Variants in TYW1 observed in about 807,000 individuals in gnomAD.
TYW1 encodes the protein S-adenosyl-L-methionine-dependent tRNA 4-demethylwyosine synthase TYW1.
Under a neutral mutation model 96.2 loss-of-function variants are expected in TYW1, and 46 were observed. The ratio of observed to expected loss-of-function variants is 0.48; its 90% confidence interval spans 0.38 to 0.61. The LOEUF is 0.61. TYW1 is among the 20% of genes least tolerant of loss of function. TYW1 has a pLI of 0.00. For missense variants in TYW1, 684 were observed against 909.6 expected, an observed-to-expected ratio of 0.75 and a Z score of 3.19; for synonymous variants, 274 against 323.0, an observed-to-expected ratio of 0.85 and a Z score of 1.63.
intron 11 of TYW1, chr7:67,089,322 A>G: frequency 2.3e-6 from 3 of 1,316,766 alleles, no homozygotes; most frequent in Non-Finnish European, 3.2e-6. Flanking sequence ...GCCTTTTGGG[A>G]GGGCCCTTCT....
intron 8 of TYW1, among the ~76,000 whole-genome samples, chr7:67,052,368 CA>C (rs1225315852): frequency 6.6e-6 from 1 of 152,136 alleles, no homozygotes; most frequent in Non-Finnish European, 1.5e-5. Flanking sequence ...TCTCACTTTT[CA>C]TTTTGGTTAG....
intron 13 of TYW1, among the ~76,000 whole-genome samples, chr7:67,163,668 A>ATTTT (rs3980764): frequency 8.2e-4 from 115 of 140,952 alleles, no homozygotes; most frequent in South Asian, 2.8e-3. Context: ...AAGCAGGAGA[A>ATTTT]TTTTTTTTTT....
chr7:67,056,029 GTT>G, intron 9 of TYW1, 142 bp downstream of exon 9: 1 of 663,904 alleles, frequency 1.5e-6, no homozygotes, highest in Non-Finnish European at 2.4e-6. Context: ...TTTAAAATGA[GTT>G]CAGCAAATTT....
chr7:67,083,295 A>G lies in TYW1; in HGVS notation c.1275-135A>G, dbSNP rs1796440690. ...GATTTAAAATAAGTTGGAAAATACCACTATACATGGTTGAACTCTTAGGAG... is the reference window on the plus strand; with the variant it reads ...GATTTAAAATAAGTTGGAAAATACCGCTATACATGGTTGAACTCTTAGGAG... On this transcript the variant is annotated intron_variant, in intron 10 of 15. Transcript: ENST00000359626. The G allele has an allele frequency of 8.1e-6, 6 of 738,904 alleles. No individual in the cohort carries two copies. The East Asian group carries it at 1.0e-4, about 13-fold the overall frequency. The allele number at this position is 738,904 out of a possible 1,614,324, so 45.8% of individuals were successfully genotyped here.
intron 7 of TYW1, among the ~76,000 whole-genome samples, chr7:67,042,726 G>A (rs1159319407): frequency 6.6e-6 from 1 of 152,186 alleles, no homozygotes; most frequent in African/African-American, 2.4e-5. Context: ...GCCGGGTGCA[G>A]TGGCTTATGC....
chr7:67,053,090 T>A (rs1370387136), intron 8 of TYW1, among the ~76,000 whole-genome samples: 2 of 151,750 alleles, frequency 1.3e-5, no homozygotes, highest in Non-Finnish European at 1.5e-5. Context: ...GCTTTTTTTT[T>A]TTTTTTTTTT....
chr7:67,043,610 G>T (rs56273605), intron 7 of TYW1, among the ~76,000 whole-genome samples: 1 of 152,070 alleles, frequency 6.6e-6, no homozygotes, highest in Non-Finnish European at 1.5e-5. Context: ...GCTAGTTTCA[G>T]AATTATTTTT....
intron 3 of TYW1, 53 bp from the exon 4 acceptor site, chr7:67,009,530 G>T: frequency 1.3e-6 from 2 of 1,518,426 alleles, no homozygotes; most frequent in Non-Finnish European, 1.8e-6. Context: ...GGTAATGAGG[G>T]TTATATTTGG....
At chr7:67,058,226 G>T (rs561049530) in intron 9 of TYW1, among the ~76,000 whole-genome samples, 1 of 152,226 alleles carries the variant, frequency 6.6e-6, no homozygotes. Flanking sequence ...AGGCCACTGC[G>T]CCTGGCCTAC....
chr7:67,068,979 A>C (rs1278383860), intron 10 of TYW1, among the ~76,000 whole-genome samples: 1 of 152,156 alleles, frequency 6.6e-6, no homozygotes, highest in Non-Finnish European at 1.5e-5. Flanking sequence ...TCAGATTCTC[A>C]TTATTTCTTC....
intron 15 of TYW1, among the ~76,000 whole-genome samples, chr7:67,222,850 TCTGTTCG>T (rs1801435552): frequency 6.7e-6 from 1 of 148,642 alleles, no homozygotes; most frequent in South Asian, 2.1e-4. Flanking sequence ...TCCCTTAATC[TCTGTTCG>T]CTTTTTTTCT....
chr7:67,089,185 G>A (rs1211213849), intron 11 of TYW1: 3 of 661,358 alleles, frequency 4.5e-6, no homozygotes, highest in South Asian at 3.5e-5. Flanking sequence ...CCCCTCCCTC[G>A]CCACCCCTTT....
intron 13 of TYW1, among the ~76,000 whole-genome samples, chr7:67,161,808 C>T (rs1260464767): frequency 6.6e-6 from 1 of 152,012 alleles, no homozygotes; most frequent in African/African-American, 2.4e-5. Context: ...CCTATCATTC[C>T]AGATTCACGT....
chr7:67,161,324 G>T (rs1253108622), intron 13 of TYW1, among the ~76,000 whole-genome samples: 2 of 152,174 alleles, frequency 1.3e-5, no homozygotes, highest in African/African-American at 4.8e-5. Context: ...ATTTGGAAAA[G>T]TTGCCATCTT....
chr7:67,102,845 T>G (rs1402445851), intron 12 of TYW1, among the ~76,000 whole-genome samples: 4 of 151,392 alleles, frequency 2.6e-5, no homozygotes, highest in African/African-American at 7.4e-5. Context: ...TAGAGACGGG[T>G]TTCACCGTGT....
Position 67,180,420 on chromosome 7 carries a change from A to G in TYW1, c.1699-2706A>G, listed in dbSNP as rs1013464184. On this transcript the variant is annotated intron_variant, in intron 13 of 15. Coordinates refer to ENST00000359626, the MANE Select transcript of TYW1 (RefSeq NM_018264.4). ...TATATATATATTTATATATATATAT[A>G]TATAATTTTTTTTTTGGTAACTGGC... Among the ~76,000 whole-genome samples the G allele has an allele frequency of 2.6e-5, 2 of 78,298 alleles. 1 individual carries two copies. The highest frequency in any genetic ancestry group is 1.1e-4 in the African/African-American group (2 of 17,448). The allele number at this position is 78,298 out of a possible 152,430, so 51.4% of individuals were successfully genotyped here.
At chr7:67,102,148 A>T (rs60356903) in intron 12 of TYW1, among the ~76,000 whole-genome samples, 50,968 of 152,104 alleles carry the variant, frequency 0.34, 9,056 homozygotes, top group African/African-American at 0.46. Flanking sequence ...TAGTAGGATA[A>T]AGTAATTTTT....
intron 12 of TYW1, among the ~76,000 whole-genome samples, chr7:67,100,981 A>T (rs1176094165): frequency 6.6e-6 from 1 of 152,132 alleles, no homozygotes; most frequent in African/African-American, 2.4e-5. Flanking sequence ...ACTCTGTTAC[A>T]GACTAAGAGT....
chr7:67,031,344 G>T (rs1465738923), intron 7 of TYW1, among the ~76,000 whole-genome samples: 1 of 61,396 alleles, frequency 1.6e-5, no homozygotes, highest in Non-Finnish European at 2.7e-5. Context: ...TTTAAGCAAG[G>T]ATTCAGCCGG....
Sources: gnomAD v4.1 joint callset for allele counts (sites outside exome capture counted in the v4.1 genomes callset) on GRCh38, gnomAD v4.1.1 for gene constraint, MANE v1.5 for transcripts, NCBI Gene and HGNC (gene_info 2026-07-23, HGNC 2026-07-21) for gene names.